Variants in MTUS2 observed in about 807,000 individuals in gnomAD.
The protein encoded by MTUS2 is microtubule associated scaffold protein 2.
A neutral mutation model predicts 114.1 loss-of-function variants in MTUS2; 40 were observed. That is an observed-to-expected ratio of 0.35 (90% CI 0.27 to 0.46). The LOEUF (loss-of-function observed/expected upper bound fraction) is 0.46, where lower values mean the gene tolerates loss of function less well. Among genes scored for constraint, MTUS2 ranks in the 20% least tolerant of loss-of-function variants. The pLI is 1.00. For missense variants in MTUS2, 1,679 were observed against 1,705.4 expected (o/e 0.98, Z 0.27); for synonymous variants, 688 against 672.0 (o/e 1.02, Z -0.37).
At chr13:28,831,635 A>G (rs1339372791) in intron 1 of MTUS2, among the ~76,000 whole-genome samples, 1 of 152,246 alleles carries the variant, frequency 6.6e-6, no homozygotes, top group Admixed American at 6.5e-5. Context: ...GATCCCCTAA[A>G]TATGTGAAGC....
At chr13:29,410,074 C>T (rs1593413388) in intron 8 of MTUS2, among the ~76,000 whole-genome samples, 2 of 151,800 alleles carry the variant, frequency 1.3e-5, no homozygotes, top group East Asian at 1.9e-4. Flanking sequence ...ACACCAGCAA[C>T]GTTTAAGAGT....
chr13:28,918,202 G>A (rs775390756), intron 2 of MTUS2, among the ~76,000 whole-genome samples: 1 of 151,944 alleles, frequency 6.6e-6, no homozygotes, highest in Non-Finnish European at 1.5e-5. Context: ...TTGATCTACA[G>A]TGCAGATTAA....
At chr13:29,308,806 AC>A (rs1899608287) in intron 6 of MTUS2, among the ~76,000 whole-genome samples, 1 of 152,208 alleles carries the variant, frequency 6.6e-6, no homozygotes, top group Non-Finnish European at 1.5e-5. Context: ...CCTCAACATC[AC>A]TGATCATTAG....
intron 5 of MTUS2, among the ~76,000 whole-genome samples, chr13:29,251,754 T>C (rs1429190197): frequency 6.6e-6 from 1 of 152,252 alleles, no homozygotes; most frequent in East Asian, 1.9e-4. Context: ...TGTTGTGGCA[T>C]ATGTCAGAAT....
chr13:29,046,938 G>T (rs1191149772), intron 4 of MTUS2, among the ~76,000 whole-genome samples: 1 of 152,126 alleles, frequency 6.6e-6, no homozygotes. Flanking sequence ...GATTAGTTTA[G>T]ATTGTATGAC....
intron 12 of MTUS2, among the ~76,000 whole-genome samples, chr13:29,495,100 C>T (rs1250170576): frequency 6.1e-5 from 9 of 146,506 alleles, no homozygotes; most frequent in Non-Finnish European, 1.0e-4. Flanking sequence ...AGGAGAATCG[C>T]TTGAACCCCG....
intron 4 of MTUS2, among the ~76,000 whole-genome samples, chr13:29,048,824 G>T (rs1462129403): frequency 6.6e-6 from 1 of 152,048 alleles, no homozygotes; most frequent in Non-Finnish European, 1.5e-5. Flanking sequence ...AGACTGTCTT[G>T]CTGTGATGCT....
In MTUS2 at chr13:28,975,867, T is replaced by A. The variant is rs192868479; in HGVS notation, c.-242-48590T>A. Among the ~76,000 whole-genome samples the A allele has an allele frequency of 2.0e-5, 3 of 152,284 alleles. No individual in the cohort carries two copies. The East Asian group carries it at 5.8e-4, about 29-fold the overall frequency. On this transcript the variant is annotated intron_variant, in intron 2 of 15. Transcript: ENST00000612955. ...ACCTACTGTATTTCCGTTATAAAGA[T>A]GAGCAATGCAGGATTCCTTCCCTCT...
chr13:29,426,108 T>C (rs554365795), intron 8 of MTUS2, among the ~76,000 whole-genome samples: 1 of 152,190 alleles, frequency 6.6e-6, no homozygotes, highest in East Asian at 1.9e-4. Flanking sequence ...CTGTCCACAA[T>C]AGGGCTTTGC....
intron 9 of MTUS2, among the ~76,000 whole-genome samples, chr13:29,449,409 C>A (rs1878528027): frequency 6.6e-6 from 1 of 152,122 alleles, no homozygotes; most frequent in East Asian, 1.9e-4. Flanking sequence ...AAAAAATTAT[C>A]TTCTGGTCGT....
At position 29,241,659 on chromosome 13, in the gene MTUS2, C is replaced by G. The variant is rs112343422; in HGVS notation, c.2645-40045C>G. The stretch of plus-strand genomic sequence containing the variant: ...TTCTGTTTAAGTCTTTTTGTTCTTG[C>G]AAGTTCATCAAGGGTTTCTTGGACA... On this transcript the variant is annotated intron_variant, in intron 5 of 15. Coordinates refer to ENST00000612955, the MANE Select transcript of MTUS2 (RefSeq NM_001033602.4). Among the ~76,000 whole-genome samples the G allele has an allele frequency of 1.0e-2, 1,518 of 152,280 alleles. 20 individuals carry two copies. Among genetic ancestry groups the G allele is most frequent in the African/African-American group, 0.035 (1,436 of 41,554 alleles).
At position 29,025,333 on chromosome 13, in the gene MTUS2, G is replaced by T. The variant is rs766266716; in HGVS notation, c.635G>T (p.Gly212Val). The change falls in exon 3 of 16, where the codon GGT becomes GTT. Residue 212 changes from glycine to valine, a missense_variant. This residue lies in a region of MTUS2 where 843 missense variants were observed against 770.8 expected (regional missense o/e 1.09). Coordinates refer to ENST00000612955, the MANE Select transcript of MTUS2 (RefSeq NM_001033602.4). ...SREARGQIPG[G>V]GEGPQKTLPD... ...GAAGCACGGGGTCAGATACCTGGGG[G>T]TGGGGAGGGGCCACAGAAGACATTG... 13 of 1,613,814 alleles carry T rather than the reference G, an allele frequency of 8.1e-6. No individual in the cohort carries two copies. Among genetic ancestry groups the T allele is most frequent in the South Asian group, 1.1e-5 (1 of 91,070 alleles).
intron 2 of MTUS2, among the ~76,000 whole-genome samples, chr13:28,864,324 A>G (rs1380746911): frequency 6.6e-6 from 1 of 152,144 alleles, no homozygotes; most frequent in Non-Finnish European, 1.5e-5. Context: ...GGAAAGTGGG[A>G]TTGTTCTCTA....
chr13:29,185,587 C>T (rs923671782), intron 5 of MTUS2, among the ~76,000 whole-genome samples: 1 of 152,012 alleles, frequency 6.6e-6, no homozygotes, highest in South Asian at 2.1e-4. Context: ...GCTGATTTCT[C>T]CCCCCCAAAA....
chr13:29,402,053 T>C (rs1297027152), intron 8 of MTUS2, among the ~76,000 whole-genome samples: 1 of 152,188 alleles, frequency 6.6e-6, no homozygotes, highest in Admixed American at 6.5e-5. Context: ...ATAATATATA[T>C]GGATGTATAT....
chr13:29,186,799 A>G (rs149308851), intron 5 of MTUS2, among the ~76,000 whole-genome samples: 1 of 152,320 alleles, frequency 6.6e-6, no homozygotes, highest in African/African-American at 2.4e-5. Context: ...ACATTCCACT[A>G]AACAGAAACA....
intron 2 of MTUS2, among the ~76,000 whole-genome samples, chr13:29,018,774 G>C (rs9508224): frequency 0.015 from 1,396 of 93,038 alleles, no homozygotes; most frequent in Non-Finnish European, 0.018. Context: ...CCCTCCCCCC[G>C]CCCCCGCCCC....
At chr13:29,266,241 T>A (rs1041809742) in intron 5 of MTUS2, among the ~76,000 whole-genome samples, 4 of 152,148 alleles carry the variant, frequency 2.6e-5, no homozygotes, top group Non-Finnish European at 5.9e-5. Context: ...TTCCAATAAT[T>A]AGGTACCACT....
At chr13:29,203,827 CT>C (rs1253857955) in intron 5 of MTUS2, among the ~76,000 whole-genome samples, 1 of 152,148 alleles carries the variant, frequency 6.6e-6, no homozygotes, top group Non-Finnish European at 1.5e-5. Context: ...CCCCACCCTG[CT>C]TCATCTCACC....
Sources: allele counts gnomAD v4.1 joint callset (sites outside exome capture counted in the v4.1 genomes callset), GRCh38; gene constraint gnomAD v4.1.1; regional missense constraint gnomAD v4.1.1; transcripts MANE v1.5; gene names NCBI Gene and HGNC (gene_info 2026-07-23, HGNC 2026-07-21).